Variants in BABAM2 observed in about 807,000 individuals in gnomAD.
BABAM2 encodes BRISC and BRCA1-A complex member 2.
In BABAM2, 31 loss-of-function variants were observed where a neutral mutation model predicts 54.7. The ratio of observed to expected loss-of-function variants is 0.57; its 90% confidence interval spans 0.43 to 0.77. The LOEUF (loss-of-function observed/expected upper bound fraction) is 0.77. BABAM2 is among the 30% of genes least tolerant of loss of function. The probability of loss-of-function intolerance (pLI) is 0.00; values close to 1 mark genes in which losing one functional copy is unlikely to be tolerated. For synonymous variants in BABAM2, 167 were observed against 162.9 expected (o/e 1.03, Z -0.19); for missense variants, 364 against 455.8 (o/e 0.80, Z 1.83).
chr2:27,917,313 G>A (rs529550899), intron 2 of BABAM2, among the ~76,000 whole-genome samples: 2 of 152,120 alleles, frequency 1.3e-5, no homozygotes, highest in Admixed American at 1.3e-4. Flanking sequence ...ACCACGCCCG[G>A]CCCAAAGTGT....
chr2:28,064,956 T>C (rs572311222), intron 6 of BABAM2, among the ~76,000 whole-genome samples: 1 of 151,870 alleles, frequency 6.6e-6, no homozygotes. Context: ...TGAGCCGAGA[T>C]TGTGCCACTG....
rs889307673 is a variant in BABAM2 at position 27,980,688 on chromosome 2, C to T, written c.206-7305C>T. On this transcript the variant is annotated intron_variant, in intron 3 of 11. Coordinates refer to ENST00000379624, the MANE Select transcript of BABAM2 (RefSeq NM_199191.3). ...AAATATTTATATAATGTTTTTATTA[C>T]ATGTAATGTAGTAAACTTCCTCCCC... Among the ~76,000 whole-genome samples the T allele has an allele frequency of 2.2e-4, 34 of 151,704 alleles. 1 individual carries two copies. The highest frequency in any genetic ancestry group is 8.2e-4 in the African/African-American group (34 of 41,290).
chr2:28,253,591 C>T (rs894696237), intron 10 of BABAM2, among the ~76,000 whole-genome samples: 2 of 152,152 alleles, frequency 1.3e-5, no homozygotes, highest in Non-Finnish European at 2.9e-5. Flanking sequence ...CAGGAATAGA[C>T]TCTAGATCCC....
chr2:28,230,281 C>A (rs1235716195), intron 7 of BABAM2, among the ~76,000 whole-genome samples: 1 of 152,114 alleles, frequency 6.6e-6, no homozygotes, highest in Non-Finnish European at 1.5e-5. Flanking sequence ...CTTAAATTTT[C>A]TCCATATTGA....
intron 3 of BABAM2, among the ~76,000 whole-genome samples, chr2:27,931,718 A>AT (rs1311157420): frequency 6.6e-6 from 1 of 152,126 alleles, no homozygotes; most frequent in Non-Finnish European, 1.5e-5. Context: ...TAGCTTCGTT[A>AT]TTACTTAAGG....
rs374676360 is a variant in BABAM2 at position 27,975,139 on chromosome 2, C to T, written c.206-12854C>T. 1.2e-4 allele frequency among the ~76,000 whole-genome samples: 18 copies of T among 151,846 alleles called. 1 individual carries two copies. The highest frequency in any genetic ancestry group is 4.3e-4 in the African/African-American group (18 of 41,442). On this transcript the variant is annotated intron_variant, in intron 3 of 11. Coordinates refer to ENST00000379624, the MANE Select transcript of BABAM2 (RefSeq NM_199191.3). ...GACTCAACATAGTTAAGATGTTTTC[C>T]CTAATTAGTTTTAATTAGTTTCCTA...
chr2:28,336,666 C>A (rs917725393), intron 11 of BABAM2, among the ~76,000 whole-genome samples: 10 of 152,192 alleles, frequency 6.6e-5, no homozygotes, highest in Admixed American at 5.9e-4. Flanking sequence ...CTGCAGAGGC[C>A]ATGGTGGAGG....
intron 11 of BABAM2, among the ~76,000 whole-genome samples, chr2:28,330,055 C>T (rs1690814762): frequency 6.6e-6 from 1 of 152,180 alleles, no homozygotes; most frequent in African/African-American, 2.4e-5. Context: ...TGTAATTCAT[C>T]ACATAAACAG....
intron 7 of BABAM2, among the ~76,000 whole-genome samples, chr2:28,198,122 G>A (rs539422070): frequency 6.6e-6 from 1 of 152,052 alleles, no homozygotes; most frequent in East Asian, 1.9e-4. Context: ...GGGGTAGAAG[G>A]GAGAAAAAGC....
chr2:28,321,374 C>T (rs1349780457), intron 11 of BABAM2, among the ~76,000 whole-genome samples: 1 of 152,176 alleles, frequency 6.6e-6, no homozygotes, highest in Non-Finnish European at 1.5e-5. Flanking sequence ...GCCACGTGTT[C>T]CTCTTGCCAC....
rs780390120 is a variant in BABAM2 at position 27,928,625 on chromosome 2, C to T, written c.129-1207C>T. 3.3e-5 allele frequency among the ~76,000 whole-genome samples: 5 copies of T among 152,060 alleles called. No homozygotes were observed. The South Asian group carries it at 6.2e-4, about 19-fold the overall frequency. On this transcript the variant is annotated intron_variant, in intron 2 of 11. Coordinates refer to ENST00000379624, the MANE Select transcript of BABAM2 (RefSeq NM_199191.3). The stretch of plus-strand genomic sequence containing the variant: ...CATTTATTTCAACTATGCATCCATC[C>T]GTTAAATTACTTTTATAGGTTCTTT...
intron 2 of BABAM2, among the ~76,000 whole-genome samples, chr2:27,902,889 G>A (rs1326873799): frequency 6.8e-6 from 1 of 147,154 alleles, no homozygotes; most frequent in East Asian, 2.0e-4. Flanking sequence ...ATGTGCCTGT[G>A]TGCACGTGTG....
chr2:27,956,623 G>A (rs924612105), intron 3 of BABAM2, among the ~76,000 whole-genome samples: 6 of 152,100 alleles, frequency 3.9e-5, no homozygotes, highest in African/African-American at 7.2e-5. Context: ...AAGGACACTA[G>A]GTAATTTTGG....
chr2:28,251,988 C>T (rs915795078), intron 10 of BABAM2, among the ~76,000 whole-genome samples: 2 of 151,966 alleles, frequency 1.3e-5, no homozygotes, highest in Non-Finnish European at 2.9e-5. Flanking sequence ...GTCAGGAGTT[C>T]GAGATCAGCC....
intron 7 of BABAM2, among the ~76,000 whole-genome samples, chr2:28,165,232 A>C (rs921712479): frequency 1.4e-4 from 22 of 152,198 alleles, no homozygotes; most frequent in Admixed American, 1.3e-3. Flanking sequence ...AGGAATGTGA[A>C]GGGTGTAATT....
intron 3 of BABAM2, among the ~76,000 whole-genome samples, chr2:27,986,363 G>A (rs1331478148): frequency 1.3e-5 from 2 of 150,156 alleles, no homozygotes; most frequent in Non-Finnish European, 3.0e-5. Flanking sequence ...TTTTTTTTTT[G>A]TTTGATCTTT....
chr2:27,955,450 A>G lies in BABAM2; in HGVS notation c.205+25542A>G, dbSNP rs549251274. On this transcript the variant is annotated intron_variant, in intron 3 of 11. Coordinates refer to ENST00000379624, the MANE Select transcript of BABAM2 (RefSeq NM_199191.3). ...AAAACTTCAAACTTTGGCAAATTCT[A>G]AAGTTACTAGGTAGCAATTTGAAAT... Among the ~76,000 whole-genome samples, 80 of 152,358 alleles carry G rather than the reference A, an allele frequency of 5.3e-4. 1 individual carries two copies. The South Asian group carries it at 0.017, about 32-fold the overall frequency.
At chr2:28,074,373 A>G (rs1664462305) in intron 6 of BABAM2, among the ~76,000 whole-genome samples, 2 of 152,116 alleles carry the variant, frequency 1.3e-5, no homozygotes, top group South Asian at 2.1e-4. Context: ...CCTGCCCCCA[A>G]GTTGTGATAG....
In BABAM2 at chr2:28,024,143, G is replaced by A. The variant is rs572319235; in HGVS notation, c.301-1083G>A. Among the ~76,000 whole-genome samples, 319 of 152,238 alleles carry A rather than the reference G, an allele frequency of 2.1e-3. 1 individual carries two copies. Among genetic ancestry groups the A allele is most frequent in the African/African-American group, 7.3e-3 (302 of 41,542 alleles). ...TCTTTGGCCGGGCACGGTGGCTCAC[G>A]CCTCTAATCCCAGCACTTTGGGAGG... On this transcript the variant is annotated intron_variant, in intron 4 of 11. Coordinates refer to ENST00000379624, the MANE Select transcript of BABAM2 (RefSeq NM_199191.3).
Sources: gnomAD v4.1 joint callset for allele counts (sites outside exome capture counted in the v4.1 genomes callset) on GRCh38, gnomAD v4.1.1 for gene constraint, MANE v1.5 for transcripts, NCBI Gene and HGNC (gene_info 2026-07-23, HGNC 2026-07-21) for gene names.